The following PIK3C2G variants were observed in gnomAD, a reference collection of about 807,000 sequenced individuals.
PIK3C2G encodes phosphatidylinositol-4-phosphate 3-kinase catalytic subunit type 2 gamma.
In PIK3C2G, 168 loss-of-function variants were observed where a neutral mutation model predicts 181.1. That is an observed-to-expected ratio of 0.93 (90% CI 0.82 to 1.05). PIK3C2G has a LOEUF of 1.05. Among genes scored for constraint, PIK3C2G ranks in the 50% least tolerant of loss-of-function variants. PIK3C2G has a pLI of 0.00. For missense variants in PIK3C2G, 1,869 were observed against 1,732.8 expected (o/e 1.08, Z -1.40); for synonymous variants, 573 against 592.2 (o/e 0.97, Z 0.47).
chr12:18,561,609 G>A (rs527447566), intron 26 of PIK3C2G, among the ~76,000 whole-genome samples: 5 of 151,960 alleles, frequency 3.3e-5, no homozygotes, highest in East Asian at 3.9e-4. Context: ...AAAAGGGAAC[G>A]AACAGTATGA....
chr12:18,689,775 G>A, the PIK3C2G span, among the ~76,000 whole-genome samples: 1 of 152,244 alleles, frequency 6.6e-6, no homozygotes, highest in African/African-American at 2.4e-5. Flanking sequence ...CAGATTGCAG[G>A]TGACGAAGAG....
the PIK3C2G span, among the ~76,000 whole-genome samples, chr12:18,710,879 A>G: frequency 1.3e-5 from 2 of 152,116 alleles, no homozygotes; most frequent in Non-Finnish European, 2.9e-5. Flanking sequence ...AAAAGTCAGG[A>G]AACAACAGGT....
intron 26 of PIK3C2G, among the ~76,000 whole-genome samples, chr12:18,561,622 AAAG>A (rs1945349442): frequency 6.6e-6 from 1 of 152,204 alleles, no homozygotes; most frequent in South Asian, 2.1e-4. Context: ...CAGTATGAAA[AAAG>A]AAGCTATTAG....
chr12:18,641,743 C>T (rs1442853336), intron 32 of PIK3C2G, among the ~76,000 whole-genome samples: 14 of 93,158 alleles, frequency 1.5e-4, no homozygotes, highest in South Asian at 3.9e-4. Context: ...CTCTCTCAAG[C>T]TTTTTTTTTT....
chr12:18,649,722 G>T (rs1278300035), downstream of PIK3C2G, among the ~76,000 whole-genome samples: 1 of 152,006 alleles, frequency 6.6e-6, no homozygotes, highest in Non-Finnish European at 1.5e-5. Flanking sequence ...TAAATCCAAA[G>T]GTTATTTTTC....
At chr12:18,519,713 TAC>T (rs1268038137) in intron 24 of PIK3C2G, among the ~76,000 whole-genome samples, 1 of 138,938 alleles carries the variant, frequency 7.2e-6, no homozygotes, top group Non-Finnish European at 1.7e-5. Flanking sequence ...TTAGCCCATT[TAC>T]ATTTAAGATT....
the PIK3C2G span, among the ~76,000 whole-genome samples, chr12:18,721,913 T>A: frequency 1.3e-5 from 2 of 152,054 alleles, no homozygotes; most frequent in South Asian, 2.1e-4. Context: ...TGGCACTGAG[T>A]CATGAAGCCA....
chr12:18,284,612 ATAAAGT>A (rs1186388106), intron 2 of PIK3C2G, among the ~76,000 whole-genome samples: 4 of 152,168 alleles, frequency 2.6e-5, no homozygotes, highest in Admixed American at 6.6e-5. Flanking sequence ...GTTCAAGTAG[ATAAAGT>A]TAAAGAAGTT....
chr12:18,640,622 A>G, intron 32 of PIK3C2G, 68 bp downstream of exon 32: 3 of 1,404,946 alleles, frequency 2.1e-6, no homozygotes, highest in Non-Finnish European at 2.9e-6. Flanking sequence ...TTAACAACCA[A>G]ATATGGAAAA....
chr12:18,424,135 T>C (rs1462133448), intron 18 of PIK3C2G, 96 bp downstream of exon 18: 2 of 730,940 alleles, frequency 2.7e-6, no homozygotes, highest in Admixed American at 2.1e-5. Context: ...TACCTTATAA[T>C]TGATACAGAC....
At chr12:18,678,523 C>T in the PIK3C2G span, among the ~76,000 whole-genome samples, 25 of 152,156 alleles carry the variant, frequency 1.6e-4, no homozygotes, top group African/African-American at 4.6e-4. Flanking sequence ...CCATCCCTAA[C>T]GCCATTCACT....
At chr12:18,400,969 T>C (rs1322453559) in intron 16 of PIK3C2G, among the ~76,000 whole-genome samples, 2 of 152,076 alleles carry the variant, frequency 1.3e-5, no homozygotes, top group African/African-American at 4.8e-5. Flanking sequence ...GACCTTGCCA[T>C]GTAGAATTGA....
chr12:18,593,597 G>A (rs1947200182), intron 29 of PIK3C2G, among the ~76,000 whole-genome samples: 1 of 151,842 alleles, frequency 6.6e-6, no homozygotes, highest in Non-Finnish European at 1.5e-5. Flanking sequence ...ATTCTTTGGT[G>A]CCCTTTAGAT....
chr12:18,718,115 A>T, the PIK3C2G span, among the ~76,000 whole-genome samples: 1 of 152,162 alleles, frequency 6.6e-6, no homozygotes, highest in East Asian at 1.9e-4. Context: ...TGTTAAAGTA[A>T]GCTAGGTGAA....
intron 16 of PIK3C2G, among the ~76,000 whole-genome samples, chr12:18,414,338 A>G (rs1345782096): frequency 6.6e-6 from 1 of 152,166 alleles, no homozygotes; most frequent in African/African-American, 2.4e-5. Context: ...AAAACTTTTT[A>G]AAACTTAGCT....
chr12:18,421,973 T>C (rs918919874), intron 17 of PIK3C2G, among the ~76,000 whole-genome samples: 7 of 152,122 alleles, frequency 4.6e-5, no homozygotes, highest in Non-Finnish European at 8.8e-5. Context: ...AATCCAGTCT[T>C]TCTTGAAAAT....
intron 24 of PIK3C2G, among the ~76,000 whole-genome samples, chr12:18,515,062 A>T (rs755363677): frequency 1.3e-5 from 2 of 152,034 alleles, no homozygotes; most frequent in Non-Finnish European, 2.9e-5. Context: ...CAGCTGAATC[A>T]TCCTTGCATC....
At chr12:18,248,419 CAA>C (rs1190081546) in intron 1 of PIK3C2G, among the ~76,000 whole-genome samples, 1 of 151,954 alleles carries the variant, frequency 6.6e-6, no homozygotes, top group Non-Finnish European at 1.5e-5. Flanking sequence ...AAAAAAAATA[CAA>C]AAAATTAGCC....
At chr12:18,378,323 C>CG (rs1942598428) in intron 13 of PIK3C2G, among the ~76,000 whole-genome samples, 1 of 152,056 alleles carries the variant, frequency 6.6e-6, no homozygotes, top group Non-Finnish European at 1.5e-5. Context: ...TTCCCCCCCC[C>CG]GTAACTAATG....
Sources: allele counts gnomAD v4.1 joint callset (sites outside exome capture counted in the v4.1 genomes callset), GRCh38; gene constraint gnomAD v4.1.1; transcripts MANE v1.5; gene names NCBI Gene and HGNC (gene_info 2026-07-23, HGNC 2026-07-21).